LTBP1: variants seen among roughly 807,000 people sequenced by gnomAD.
LTBP1 encodes latent-transforming growth factor beta-binding protein 1.
Under a neutral mutation model 207.6 loss-of-function variants are expected in LTBP1, and 129 were observed. The observed-to-expected ratio is 0.62, with a 90% CI of 0.54 to 0.72. The LOEUF (loss-of-function observed/expected upper bound fraction) is 0.72. LTBP1 is among the 30% of genes least tolerant of loss of function. LTBP1 has a pLI of 0.00. For missense variants in LTBP1, 2,281 were observed against 2,217.2 expected (o/e 1.03, Z -0.58); for synonymous variants, 963 against 833.7 (o/e 1.16, Z -2.67).
At chr2:33,094,140 T>C (rs2150060371) in intron 3 of LTBP1, among the ~76,000 whole-genome samples, 1 of 152,316 alleles carries the variant, frequency 6.6e-6, no homozygotes, top group South Asian at 2.1e-4. Context: ...ATTTTTTTAT[T>C]AATAGTTCTG....
At chr2:33,354,118 C>G (rs894197057) in intron 26 of LTBP1, among the ~76,000 whole-genome samples, 7 of 152,158 alleles carry the variant, frequency 4.6e-5, no homozygotes, top group Admixed American at 2.6e-4. Flanking sequence ...CCACCTCAGC[C>G]TCCCAAAGTG....
chr2:32,971,041 T>C (rs1167195536), intron 2 of LTBP1, among the ~76,000 whole-genome samples: 6 of 146,392 alleles, frequency 4.1e-5, no homozygotes, highest in Non-Finnish European at 9.1e-5. Context: ...TGTGTGTGTG[T>C]GTCTGTCTGT....
Position 33,358,651 on chromosome 2 carries a change from G to A in LTBP1, c.4001-1946G>A, listed in dbSNP as rs1023635130. ...TTAGCACAAACCATAGAATAAACCC[G>A]ATTACCAAAACCCTGTTGCTTTTTT... On this transcript the variant is annotated intron_variant, in intron 26 of 33. Transcript: ENST00000404816. 4.6e-5 allele frequency among the ~76,000 whole-genome samples: 7 copies of A among 152,066 alleles called. 1 individual carries two copies. In the South Asian group the frequency reaches 1.0e-3, roughly 23 times the overall value.
chr2:33,130,827 A>G (rs1301326883), intron 4 of LTBP1, among the ~76,000 whole-genome samples: 1 of 152,130 alleles, frequency 6.6e-6, no homozygotes, highest in Non-Finnish European at 1.5e-5. Flanking sequence ...GGCCTCCAAA[A>G]CCCAAAGTTT....
chr2:33,206,926 A>G (rs1573181704), intron 7 of LTBP1, among the ~76,000 whole-genome samples: 1 of 152,116 alleles, frequency 6.6e-6, no homozygotes, highest in Admixed American at 6.5e-5. Flanking sequence ...TCTACTCACC[A>G]TCTAGTACTA....
At chr2:33,383,020 C>T (rs982739836) in intron 31 of LTBP1, among the ~76,000 whole-genome samples, 1 of 152,100 alleles carries the variant, frequency 6.6e-6, no homozygotes, top group Admixed American at 6.6e-5. Context: ...AAATGGCCAC[C>T]GTTTTTCTAA....
intron 31 of LTBP1, among the ~76,000 whole-genome samples, chr2:33,380,347 C>T (rs112869779): frequency 0.01 from 1,527 of 149,810 alleles, 33 homozygotes; most frequent in African/African-American, 0.036. Flanking sequence ...GAGGTCAAAG[C>T]GGGTGGATCA....
At chr2:33,050,145 T>C (rs972619644) in intron 3 of LTBP1, among the ~76,000 whole-genome samples, 37 of 113,640 alleles carry the variant, frequency 3.3e-4, no homozygotes, top group Non-Finnish European at 3.7e-4. Context: ...TTTTTTTTTC[T>C]TTTCTTTTCT....
chr2:33,256,727 T>C (rs1170840007), intron 11 of LTBP1, among the ~76,000 whole-genome samples: 19 of 1,254 alleles, frequency 0.015, no homozygotes, highest in African/African-American at 0.049. Context: ...GGGCTAACTA[T>C]ATATATATAT....
intron 2 of LTBP1, among the ~76,000 whole-genome samples, chr2:32,965,076 A>G (rs1679745710): frequency 6.6e-6 from 1 of 152,052 alleles, no homozygotes; most frequent in Admixed American, 6.6e-5. Context: ...TTTAGTCCTT[A>G]CTCCTTCAGT....
At chr2:33,328,251 A>AC (rs2094453687) in intron 24 of LTBP1, among the ~76,000 whole-genome samples, 1 of 152,104 alleles carries the variant, frequency 6.6e-6, no homozygotes, top group African/African-American at 2.4e-5. Context: ...ATACCTGGTA[A>AC]CCAGCCCCCT....
At chr2:33,066,806 A>C (rs1375122308) in intron 3 of LTBP1, among the ~76,000 whole-genome samples, 1 of 152,202 alleles carries the variant, frequency 6.6e-6, no homozygotes, top group Non-Finnish European at 1.5e-5. Context: ...TTGTTATCCA[A>C]GCCAGGAAAG....
At chr2:33,162,106 C>A (rs1429379186) in intron 5 of LTBP1, among the ~76,000 whole-genome samples, 1 of 152,146 alleles carries the variant, frequency 6.6e-6, no homozygotes. Context: ...CTCAAAAGAG[C>A]AAATTTGGAG....
chr2:33,351,455 A>G (rs975559292), intron 26 of LTBP1, among the ~76,000 whole-genome samples: 4 of 152,264 alleles, frequency 2.6e-5, no homozygotes, highest in African/African-American at 9.6e-5. Flanking sequence ...TTAAGATAAT[A>G]CACATTAATC....
chr2:33,014,104 G>A (rs936612171), intron 2 of LTBP1, among the ~76,000 whole-genome samples: 1 of 152,086 alleles, frequency 6.6e-6, no homozygotes, highest in African/African-American at 2.4e-5. Flanking sequence ...TCCCTCACAG[G>A]TTTCAAATAG....
At chr2:33,219,586 G>A (rs1396382654) in intron 8 of LTBP1, among the ~76,000 whole-genome samples, 7 of 151,898 alleles carry the variant, frequency 4.6e-5, no homozygotes, top group African/African-American at 1.5e-4. Flanking sequence ...CTGTCTGTCT[G>A]TAGGAATATT....
rs1255241947 is a variant in LTBP1 at position 32,947,653 on chromosome 2, G to T, written c.329G>T (p.Arg110Leu). 7.1e-7 allele frequency: 1 copy of T among 1,408,840 alleles called. No individual in the cohort carries two copies. The allele number at this position is 1,408,840 out of a possible 1,614,324, so 87.3% of individuals were successfully genotyped here. Residue 110 changes from arginine (R) to leucine (L), a missense_variant, in exon 1 of 34, where the codon CGT becomes CTT. Arg to Leu is a moderately radical substitution (Grantham distance 102). Transcript: ENST00000404816. ...CCGCCGCCGCCGCCGGAGCCTGCGC[G>T]TCCCGCGGTCCCCGGCGGGCAGCTC... is the stretch of plus-strand genomic sequence containing the variant. ...PPPPPPPEPA[R>L]PAVPGGQLHP...
At chr2:33,326,672 T>TA (rs1559016959) in intron 24 of LTBP1, among the ~76,000 whole-genome samples, 4 of 151,224 alleles carry the variant, frequency 2.6e-5, no homozygotes, top group South Asian at 2.1e-4. Context: ...TTTATTTATT[T>TA]TTTGGAGGCC....
chr2:33,378,318 T>G (rs2150343933), intron 31 of LTBP1, among the ~76,000 whole-genome samples: 1 of 151,882 alleles, frequency 6.6e-6, no homozygotes, highest in East Asian at 1.9e-4. Context: ...TTCTGCCTCC[T>G]GGGTTCAAGC....
Sources: gnomAD v4.1 joint callset for allele counts (sites outside exome capture counted in the v4.1 genomes callset) on GRCh38, gnomAD v4.1.1 for gene constraint, MANE v1.5 for transcripts, NCBI Gene and HGNC (gene_info 2026-07-23, HGNC 2026-07-21) for gene names.